The following ATAD3B variants were observed in gnomAD, a reference collection of about 807,000 sequenced individuals.
ATAD3B encodes ATPase family AAA domain containing 3B, also known as ATPase family AAA domain-containing protein 3B.
ATAD3B carries 59 observed loss-of-function variants against 70.2 expected under a neutral mutation model. That is an observed-to-expected ratio of 0.84 (90% CI 0.68 to 1.04). ATAD3B has a LOEUF of 1.04. Among genes scored for constraint, ATAD3B ranks in the 50% least tolerant of loss-of-function variants. ATAD3B has a pLI of 0.00. For missense variants in ATAD3B, 961 were observed against 913.4 expected (o/e 1.05, Z -0.67); for synonymous variants, 423 against 388.6 (o/e 1.09, Z -1.04).
the ATAD3B span, among the ~76,000 whole-genome samples, chr1:1,506,419 T>C: frequency 4.6e-5 from 7 of 151,802 alleles, no homozygotes; most frequent in African/African-American, 1.2e-4. Context: ...TTTTTTTTTT[T>C]CTTGAGATGG....
At chr1:1,473,289 G>A (rs1570178131) in intron 1 of ATAD3B, among the ~76,000 whole-genome samples, 1 of 147,524 alleles carries the variant, frequency 6.8e-6, no homozygotes. Flanking sequence ...ACAGGCGCCC[G>A]CCACCACGCC....
intron 15 of ATAD3B, among the ~76,000 whole-genome samples, chr1:1,491,351 C>T (rs568577348): frequency 5.3e-4 from 80 of 151,894 alleles, no homozygotes; most frequent in African/African-American, 1.8e-3. Context: ...GCCAATATGT[C>T]GAAACCCCGT....
downstream of ATAD3B, among the ~76,000 whole-genome samples, chr1:1,500,847 C>T (rs1640930294): frequency 6.6e-6 from 1 of 151,518 alleles, no homozygotes; most frequent in Non-Finnish European, 1.5e-5. Flanking sequence ...GTCCCAGCTA[C>T]TTGGGAGGCT....
At chr1:1,508,832 T>G in the ATAD3B span, among the ~76,000 whole-genome samples, 1 of 151,384 alleles carries the variant, frequency 6.6e-6, no homozygotes, top group Admixed American at 6.6e-5. Context: ...GGTCTGAGGG[T>G]CTGAGGTGCA....
At chr1:1,490,494 C>A in intron 14 of ATAD3B, 69 bp from the exon 15 acceptor site, 1 of 1,611,066 alleles carries the variant, frequency 6.2e-7, no homozygotes, top group Non-Finnish European at 8.5e-7. Context: ...AGCTGCCTGT[C>A]TTCCGGCCTC....
At chr1:1,502,169 G>A (rs928814683), downstream of ATAD3B, among the ~76,000 whole-genome samples, 28 of 151,546 alleles carry the variant, frequency 1.8e-4, no homozygotes, top group Admixed American at 1.4e-3. Context: ...ATGAGCCACC[G>A]CTGGCCTCTA....
chr1:1,490,159 C>G (rs1031448809), intron 13 of ATAD3B, 98 bp from the exon 14 acceptor site: 1 of 1,525,092 alleles, frequency 6.6e-7, no homozygotes, highest in Non-Finnish European at 8.8e-7. Flanking sequence ...TTTAGATTCT[C>G]CCAAAAAGTC....
chr1:1,495,576 T>G lies in ATAD3B; in HGVS notation c.1706T>G (p.Met569Arg), dbSNP rs765968938. The G allele has an allele frequency of 2.5e-6, 4 of 1,613,228 alleles. No homozygotes were observed. Among genetic ancestry groups the G allele is most frequent in the Non-Finnish European group, 3.4e-6 (4 of 1,179,518 alleles). ...GCTGTCCAGCAGTACCGACAGAAGATGCGCTGGCTGAAGGCGGAGGGGCCT... is the reference window on the plus strand; with the variant it reads ...GCTGTCCAGCAGTACCGACAGAAGAGGCGCTGGCTGAAGGCGGAGGGGCCT... ...QDAVQQYRQK[M>R]RWLKAEGPGR... The change falls in exon 16 of 16, where the codon ATG (methionine) becomes AGG (arginine). Residue 569 changes from methionine to arginine, a missense_variant. Met to Arg is a moderately conservative substitution (Grantham distance 91). This residue lies in a region of ATAD3B where 417 missense variants were observed against 335.0 expected (regional missense o/e 1.24). Coordinates refer to ENST00000673477, the MANE Select transcript of ATAD3B (RefSeq NM_031921.6).
chr1:1,482,983 A>G (rs1640002661), intron 7 of ATAD3B: 1 of 470,044 alleles, frequency 2.1e-6, no homozygotes, highest in East Asian at 6.3e-5. Context: ...TCTTGGCGAG[A>G]GAATAAGACC....
At chr1:1,494,284 C>T (rs1377912652) in intron 15 of ATAD3B, among the ~76,000 whole-genome samples, 5 of 151,978 alleles carry the variant, frequency 3.3e-5, no homozygotes, top group Admixed American at 1.3e-4. Flanking sequence ...TGAGCATCTG[C>T]GTAGCCCCTC....
the ATAD3B span, among the ~76,000 whole-genome samples, chr1:1,508,200 G>A: frequency 2.7e-5 from 4 of 150,124 alleles, no homozygotes; most frequent in Non-Finnish European, 4.4e-5. Flanking sequence ...GTGGCGGTAC[G>A]GCTCCAGTCA....
chr1:1,485,256 C>T, intron 8 of ATAD3B, 85 bp downstream of exon 8: 2 of 1,543,568 alleles, frequency 1.3e-6, no homozygotes, highest in Non-Finnish European at 1.8e-6. Context: ...GCACACCCTC[C>T]CGTCCCTTCC....
At chr1:1,509,048 A>G in the ATAD3B span, among the ~76,000 whole-genome samples, 1 of 151,780 alleles carries the variant, frequency 6.6e-6, no homozygotes, top group Non-Finnish European at 1.5e-5. Context: ...GTGTCCACAC[A>G]CGTGCTGGGC....
the ATAD3B span, among the ~76,000 whole-genome samples, chr1:1,505,777 G>A: frequency 6.6e-6 from 1 of 152,148 alleles, no homozygotes; most frequent in Admixed American, 6.5e-5. Flanking sequence ...ATAGAGCGAG[G>A]ATTATTATAA....
At chr1:1,505,277 G>T in the ATAD3B span, among the ~76,000 whole-genome samples, 1 of 152,194 alleles carries the variant, frequency 6.6e-6, no homozygotes, top group Non-Finnish European at 1.5e-5. Context: ...GAGGGAGAGA[G>T]AGAGACAGCT....
intron 15 of ATAD3B, among the ~76,000 whole-genome samples, chr1:1,491,081 C>G (rs1338881499): frequency 6.6e-6 from 1 of 151,900 alleles, no homozygotes; most frequent in African/African-American, 2.4e-5. Context: ...TGGACCAGGT[C>G]CCTTGGCTTG....
chr1:1,493,081 A>T (rs558089816), intron 15 of ATAD3B, among the ~76,000 whole-genome samples: 2 of 152,176 alleles, frequency 1.3e-5, no homozygotes, highest in South Asian at 4.2e-4. Context: ...ACAGCACTCC[A>T]GTCTGGGCGA....
intron 13 of ATAD3B, chr1:1,489,482 T>G (rs1238966687): frequency 1.9e-5 from 20 of 1,055,972 alleles, no homozygotes; most frequent in Non-Finnish European, 2.7e-5. Flanking sequence ...AGAGCTGGGG[T>G]CAGTCCTGTC....
At chr1:1,495,461 C>G in intron 15 of ATAD3B, 24 bp from the exon 16 acceptor site, 1 of 1,577,520 alleles carries the variant, frequency 6.3e-7, no homozygotes, top group Non-Finnish European at 8.6e-7. Flanking sequence ...AGCGGCCTCC[C>G]TCAGCTCCCT....
Sources: gnomAD v4.1 joint callset for allele counts (sites outside exome capture counted in the v4.1 genomes callset) on GRCh38, gnomAD v4.1.1 for gene constraint, gnomAD v4.1.1 regional missense constraint, MANE v1.5 for transcripts, NCBI Gene and HGNC (gene_info 2026-07-23, HGNC 2026-07-21) for gene names.